The following SLMAP variants were observed in gnomAD, a reference collection of about 807,000 sequenced individuals.
SLMAP encodes the protein sarcolemmal membrane-associated protein.
Under a neutral mutation model 128.8 loss-of-function variants are expected in SLMAP, and 44 were observed. That is an observed-to-expected ratio of 0.34 (90% CI 0.27 to 0.44). The LOEUF (loss-of-function observed/expected upper bound fraction) is 0.44, where lower values mean the gene tolerates loss of function less well. SLMAP is among the 20% of genes least tolerant of loss of function. The probability of loss-of-function intolerance (pLI) is 1.00; values close to 1 mark genes in which losing one functional copy is unlikely to be tolerated. For synonymous variants in SLMAP, 327 were observed against 348.8 expected (o/e 0.94, Z 0.70); for missense variants, 787 against 985.3 (o/e 0.80, Z 2.69).
chr3:57,816,392 C>T (rs1308103310), intron 2 of SLMAP, among the ~76,000 whole-genome samples: 1 of 152,180 alleles, frequency 6.6e-6, no homozygotes, highest in Non-Finnish European at 1.5e-5. Flanking sequence ...GATCCACCTA[C>T]CTTGGCCTCC....
chr3:57,904,937 C>A (rs955938621), intron 17 of SLMAP, among the ~76,000 whole-genome samples: 2 of 152,116 alleles, frequency 1.3e-5, no homozygotes, highest in African/African-American at 2.4e-5. Context: ...CATGGTGGCA[C>A]GTGCCTGCAG....
chr3:57,804,424 C>T (rs181478558), intron 2 of SLMAP, among the ~76,000 whole-genome samples: 3 of 152,232 alleles, frequency 2.0e-5, no homozygotes, highest in Admixed American at 6.5e-5. Context: ...TTTGTTTTAT[C>T]GTGCTTGACA....
At chr3:57,797,183 TAAAAA>T (rs35969510) in intron 2 of SLMAP, among the ~76,000 whole-genome samples, 2 of 102,696 alleles carry the variant, frequency 1.9e-5, no homozygotes, top group Admixed American at 1.1e-4. Context: ...TCCTGTATCT[TAAAAA>T]AAAAAAAAAA....
At chr3:57,846,384 G>T (rs1001651125) in intron 4 of SLMAP, among the ~76,000 whole-genome samples, 4 of 152,098 alleles carry the variant, frequency 2.6e-5, no homozygotes, top group Non-Finnish European at 2.9e-5. Context: ...TTCTGAGGTG[G>T]CTGGGTAGAG....
chr3:57,848,299 C>T (rs2094350291), intron 5 of SLMAP, among the ~76,000 whole-genome samples: 1 of 149,274 alleles, frequency 6.7e-6, no homozygotes, highest in Non-Finnish European at 1.5e-5. Context: ...TCTTTCTCCT[C>T]CTCCTTCTCT....
chr3:57,868,513 G>A (rs2095368212), intron 13 of SLMAP, among the ~76,000 whole-genome samples: 1 of 151,364 alleles, frequency 6.6e-6, no homozygotes, highest in African/African-American at 2.4e-5. Context: ...ACTGCTTGAG[G>A]CCATTAGTTT....
At position 57,906,673 on chromosome 3, in the gene SLMAP, AAAT is replaced by A. The variant is rs1252396853; in HGVS notation, c.1502-1209_1502-1207del. Among the ~76,000 whole-genome samples the A allele has an allele frequency of 3.8e-3, 117 of 30,918 alleles. No homozygotes were observed. The East Asian group carries it at 0.042, about 11-fold the overall frequency. 20.3% of individuals were successfully genotyped at this position (30,918 alleles called of 152,430 possible). On this transcript the variant is annotated intron_variant, in intron 17 of 24. Coordinates refer to ENST00000671191, the MANE Select transcript of SLMAP (RefSeq NM_001377540.1). ...GATATAATCTATGAATATGAAAAAA[AAAT>A]ATATATATATATATATATATATATA...
intron 17 of SLMAP, among the ~76,000 whole-genome samples, chr3:57,902,937 G>A (rs1249740958): frequency 6.6e-6 from 1 of 152,170 alleles, no homozygotes; most frequent in African/African-American, 2.4e-5. Flanking sequence ...TGGAGATGCA[G>A]CTGGATGTGC....
intron 18 of SLMAP, 91 bp from the exon 19 acceptor site, chr3:57,908,985 G>C (rs1482516947): frequency 2.3e-6 from 2 of 856,120 alleles, no homozygotes; most frequent in East Asian, 5.0e-5. Context: ...TCTTTTAGGA[G>C]AGAATTTTAA....
intron 2 of SLMAP, among the ~76,000 whole-genome samples, chr3:57,829,431 C>T (rs1223493697): frequency 6.6e-6 from 1 of 151,748 alleles, no homozygotes; most frequent in Non-Finnish European, 1.5e-5. Context: ...AATAACCTGA[C>T]CAGAATCCAG....
At chr3:57,873,736 G>C (rs920734384) in intron 14 of SLMAP, among the ~76,000 whole-genome samples, 3 of 152,068 alleles carry the variant, frequency 2.0e-5, no homozygotes, top group African/African-American at 7.2e-5. Flanking sequence ...GCTCTTTCAT[G>C]GGCCTAGGCA....
At chr3:57,872,089 CA>C (rs2095493022) in intron 14 of SLMAP, among the ~76,000 whole-genome samples, 1 of 152,178 alleles carries the variant, frequency 6.6e-6, no homozygotes, top group Non-Finnish European at 1.5e-5. Context: ...GATTGTCCTA[CA>C]ATCTGACCTC....
chr3:57,886,044 A>C (rs528344238), intron 14 of SLMAP, among the ~76,000 whole-genome samples: 1 of 150,330 alleles, frequency 6.7e-6, no homozygotes, highest in South Asian at 2.1e-4. Context: ...GGCCTCCCAA[A>C]GTGCTGGAAT....
intron 6 of SLMAP, among the ~76,000 whole-genome samples, chr3:57,853,812 A>G (rs942978460): frequency 4.7e-5 from 7 of 150,010 alleles, no homozygotes; most frequent in Admixed American, 3.3e-4. Context: ...GTGGTGGCGC[A>G]TGCCTGTAAT....
intron 2 of SLMAP, among the ~76,000 whole-genome samples, chr3:57,813,002 A>G (rs1477991403): frequency 6.6e-6 from 1 of 151,896 alleles, no homozygotes; most frequent in South Asian, 2.1e-4. Context: ...CATTTATTCT[A>G]ACAGTTTTTT....
At chr3:57,862,638 C>CAAAAAAAAA (rs752561093) in intron 10 of SLMAP, among the ~76,000 whole-genome samples, 1 of 96,412 alleles carries the variant, frequency 1.0e-5, no homozygotes, top group African/African-American at 4.2e-5. Flanking sequence ...CTTCGTCTCA[C>CAAAAAAAAA]AAAAAAAAAA....
At chr3:57,819,863 C>T (rs537534777) in intron 2 of SLMAP, among the ~76,000 whole-genome samples, 14 of 152,278 alleles carry the variant, frequency 9.2e-5, no homozygotes, top group Non-Finnish European at 1.8e-4. Context: ...AGTGATCCTC[C>T]TGCCTCAGAC....
At chr3:57,819,514 G>T (rs2092302705) in intron 2 of SLMAP, among the ~76,000 whole-genome samples, 1 of 151,988 alleles carries the variant, frequency 6.6e-6, no homozygotes, top group East Asian at 1.9e-4. Context: ...ATAGTCCTAT[G>T]ATTTTCCAAT....
chr3:57,875,263 C>G lies in SLMAP; in HGVS notation c.1300+3565C>G, dbSNP rs186101326. On this transcript the variant is annotated intron_variant, in intron 14 of 24. Transcript: ENST00000671191. ...AAAAAACCAGGCACAGTGGCTCATACCTGTAATCTCAGCACTTCAGGAGGC... is the reference window on the plus strand; with the variant it reads ...AAAAAACCAGGCACAGTGGCTCATAGCTGTAATCTCAGCACTTCAGGAGGC... Among the ~76,000 whole-genome samples, 192 of 152,222 alleles carry G rather than the reference C, an allele frequency of 1.3e-3. 1 individual carries two copies. The highest frequency in any genetic ancestry group is 4.5e-3 in the African/African-American group (188 of 41,520).
Sources: allele counts gnomAD v4.1 joint callset (sites outside exome capture counted in the v4.1 genomes callset), GRCh38; gene constraint gnomAD v4.1.1; transcripts MANE v1.5; gene names NCBI Gene and HGNC (gene_info 2026-07-23, HGNC 2026-07-21).